SLC38A12: variants seen among roughly 807,000 people sequenced by gnomAD.
SLC38A12 encodes the protein putative sodium-coupled neutral amino acid transporter 12.
the SLC38A12 span, chr17:74,838,197 C>T: frequency 4.1e-6 from 4 of 985,646 alleles, no homozygotes; most frequent in South Asian, 9.4e-5. Flanking sequence ...TTCTCTGTGC[C>T]GTCGCACCTC....
chr17:74,797,640 G>A, the SLC38A12 span, among the ~76,000 whole-genome samples: 1 of 152,320 alleles, frequency 6.6e-6, no homozygotes, highest in South Asian at 2.1e-4. Context: ...CTCCCAGGGT[G>A]TGAGGTTCTG....
At chr17:74,823,447 C>T in the SLC38A12 span, among the ~76,000 whole-genome samples, 1 of 152,226 alleles carries the variant, frequency 6.6e-6, no homozygotes, top group African/African-American at 2.4e-5. Flanking sequence ...CTTTAGTAGC[C>T]TCGGAAGCCC....
the SLC38A12 span, chr17:74,839,141 A>G: frequency 6.6e-7 from 1 of 1,523,022 alleles, no homozygotes; most frequent in Non-Finnish European, 8.8e-7. Flanking sequence ...GCTGTTCCTC[A>G]CCTGAGGCTA....
the SLC38A12 span, among the ~76,000 whole-genome samples, chr17:74,801,799 C>T: frequency 3.1e-4 from 47 of 152,226 alleles, no homozygotes; most frequent in African/African-American, 9.6e-4. Context: ...TTCTTGCTTG[C>T]TTGCTTTTTT....
the SLC38A12 span, chr17:74,785,619 G>T: frequency 1.2e-6 from 2 of 1,611,576 alleles, no homozygotes; most frequent in South Asian, 1.1e-5. Flanking sequence ...AGGCAGCGGG[G>T]ACTTCCCCAC....
At chr17:74,777,346 A>G in the SLC38A12 span, 47 of 1,614,082 alleles carry the variant, frequency 2.9e-5, no homozygotes, top group Middle Eastern at 6.6e-4. Flanking sequence ...GGGTGAAATT[A>G]CAGAGACCGG....
chr17:74,809,590 G>A, the SLC38A12 span, among the ~76,000 whole-genome samples: 5 of 152,174 alleles, frequency 3.3e-5, no homozygotes, highest in African/African-American at 1.2e-4. Flanking sequence ...TTCTGTGCGG[G>A]AAGCTCTCAC....
chr17:74,835,878 T>G, the SLC38A12 span: 2 of 1,543,722 alleles, frequency 1.3e-6, no homozygotes, highest in Non-Finnish European at 1.7e-6. Flanking sequence ...AAACTCAAGG[T>G]AGGGCCGTGC....
At chr17:74,783,931 G>T in the SLC38A12 span, among the ~76,000 whole-genome samples, 8 of 151,564 alleles carry the variant, frequency 5.3e-5, no homozygotes, top group South Asian at 1.5e-3. Flanking sequence ...GTTTCACCAT[G>T]TTGGACAGGC....
the SLC38A12 span, chr17:74,836,706 T>C: frequency 6.4e-7 from 1 of 1,570,582 alleles, no homozygotes. The surrounding 1 kb of genome is among the most constrained non-coding windows in gnomAD (Gnocchi z 4.2). Flanking sequence ...CAGGCAGGTC[T>C]AGTGACAGGA....
chr17:74,812,105 C>T, the SLC38A12 span, among the ~76,000 whole-genome samples: 4 of 148,732 alleles, frequency 2.7e-5, no homozygotes, highest in East Asian at 2.0e-4. Flanking sequence ...AGGAGTGCTG[C>T]GTTCCCCCAC....
At chr17:74,801,815 A>G in the SLC38A12 span, among the ~76,000 whole-genome samples, 1 of 151,896 alleles carries the variant, frequency 6.6e-6, no homozygotes, top group African/African-American at 2.4e-5. Flanking sequence ...TTTTTTCCCT[A>G]GGAGCTGTCT....
At chr17:74,790,925 C>T in the SLC38A12 span, 1 of 1,607,082 alleles carries the variant, frequency 6.2e-7, no homozygotes, top group Non-Finnish European at 8.5e-7. Context: ...TGAAGAACCA[C>T]TTCCTCTTCC....
the SLC38A12 span, among the ~76,000 whole-genome samples, chr17:74,809,841 C>T: frequency 7.2e-5 from 11 of 152,342 alleles, no homozygotes; most frequent in African/African-American, 2.4e-4. Flanking sequence ...ATAACATTTT[C>T]ACAAGTATCT....
chr17:74,837,134 T>A, the SLC38A12 span: 1 of 989,620 alleles, frequency 1.0e-6, no homozygotes, highest in Non-Finnish European at 1.2e-6. Flanking sequence ...CACTAGCAGC[T>A]GCTGCCTCTT....
At chr17:74,820,235 C>T in the SLC38A12 span, among the ~76,000 whole-genome samples, 3 of 152,204 alleles carry the variant, frequency 2.0e-5, no homozygotes, top group Non-Finnish European at 2.9e-5. Flanking sequence ...GGCACGAGAG[C>T]GGCGCGGCTC....
chr17:74,785,883 C>A, the SLC38A12 span, among the ~76,000 whole-genome samples: 529 of 152,346 alleles, frequency 3.5e-3, 2 homozygotes, highest in African/African-American at 0.012. Context: ...CCTATTTCTT[C>A]CCTGGCAGGT....
chr17:74,825,504 A>C, the SLC38A12 span, among the ~76,000 whole-genome samples: 1 of 152,234 alleles, frequency 6.6e-6, no homozygotes, highest in Non-Finnish European at 1.5e-5. Flanking sequence ...TGTGCCGCCA[A>C]ATGACTCCCT....
At chr17:74,827,539 A>G in the SLC38A12 span, among the ~76,000 whole-genome samples, 2 of 151,994 alleles carry the variant, frequency 1.3e-5, no homozygotes, top group Admixed American at 1.3e-4. The surrounding 1 kb of genome is among the most constrained non-coding windows in gnomAD (Gnocchi z 4.7). Context: ...CAAGTGATCC[A>G]CCCACCTCGG....
Sources: gnomAD v4.1 joint callset for allele counts (sites outside exome capture counted in the v4.1 genomes callset) on GRCh38, gnomAD v4.1.1 for gene constraint, Gnocchi (gnomAD v3.1) non-coding constraint, MANE v1.5 for transcripts, NCBI Gene and HGNC (gene_info 2026-07-23, HGNC 2026-07-21) for gene names.